Variants in MTCL3 observed in about 807,000 individuals in gnomAD.
MTCL3 encodes MTCL family member 3, also known as microtubule cross-linking factor 3.
chr6:127,503,505 C>T, the MTCL3 span, among the ~76,000 whole-genome samples: 1 of 152,134 alleles, frequency 6.6e-6, no homozygotes, highest in Non-Finnish European at 1.5e-5. Flanking sequence ...GTGACAGGAT[C>T]TGCAGTCTTC....
chr6:127,514,547 C>G, the MTCL3 span, among the ~76,000 whole-genome samples: 2 of 152,224 alleles, frequency 1.3e-5, no homozygotes, highest in African/African-American at 4.8e-5. Flanking sequence ...CAGAAGGGAG[C>G]CTTCTTCTCA....
the MTCL3 span, among the ~76,000 whole-genome samples, chr6:127,506,931 A>G: frequency 3.9e-5 from 6 of 152,148 alleles, no homozygotes; most frequent in Non-Finnish European, 7.3e-5. Context: ...AGTAAACAAC[A>G]CTTCAGTAAC....
At chr6:127,482,171 T>G in the MTCL3 span, among the ~76,000 whole-genome samples, 1 of 152,194 alleles carries the variant, frequency 6.6e-6, no homozygotes, top group Non-Finnish European at 1.5e-5. The surrounding 1 kb of genome is among the most constrained non-coding windows in gnomAD (Gnocchi z 4.1). Flanking sequence ...CTAATAAACT[T>G]GCTTTCACTT....
At chr6:127,473,047 C>A in the MTCL3 span, 6 of 1,042,840 alleles carry the variant, frequency 5.8e-6, no homozygotes, top group Non-Finnish European at 7.0e-6. Context: ...AAAATTAAAA[C>A]AATTCATACA....
At chr6:127,480,492 A>G in the MTCL3 span, among the ~76,000 whole-genome samples, 1 of 152,248 alleles carries the variant, frequency 6.6e-6, no homozygotes, top group South Asian at 2.1e-4. Flanking sequence ...AAGCTAAATG[A>G]ATAATAGAGA....
chr6:127,478,841 A>T, the MTCL3 span, among the ~76,000 whole-genome samples: 4 of 151,676 alleles, frequency 2.6e-5, no homozygotes, highest in East Asian at 3.9e-4. Context: ...ATAGGGTGAA[A>T]CCCCATCTCT....
chr6:127,512,477 A>G, the MTCL3 span, among the ~76,000 whole-genome samples: 1,160 of 152,330 alleles, frequency 7.6e-3, 18 homozygotes, highest in Admixed American at 0.011. Context: ...AATGGACCTT[A>G]GAGTCTTTTC....
the MTCL3 span, among the ~76,000 whole-genome samples, chr6:127,507,842 C>CA: frequency 0.02 from 1,603 of 82,032 alleles, 104 homozygotes; most frequent in Non-Finnish European, 0.022. Flanking sequence ...GACTATGTCT[C>CA]AAAAAAAAAA....
chr6:127,473,201 C>G, the MTCL3 span: 1 of 1,352,236 alleles, frequency 7.4e-7, no homozygotes, highest in Non-Finnish European at 9.5e-7. Flanking sequence ...AGAAATTATA[C>G]TTCTTTTACT....
chr6:127,514,762 C>T, the MTCL3 span: 138 of 1,435,340 alleles, frequency 9.6e-5, no homozygotes, highest in Non-Finnish European at 1.1e-4. Flanking sequence ...CTAAAGAGCC[C>T]TTGGCCAAAG....
the MTCL3 span, among the ~76,000 whole-genome samples, chr6:127,487,816 G>C: frequency 9.2e-5 from 14 of 152,194 alleles, no homozygotes; most frequent in African/African-American, 3.4e-4. Context: ...CACTGAGTTA[G>C]AGTCATGCTT....
At chr6:127,518,074 G>A in the MTCL3 span, among the ~76,000 whole-genome samples, 2 of 152,012 alleles carry the variant, frequency 1.3e-5, no homozygotes, top group Non-Finnish European at 2.9e-5. Flanking sequence ...TCTGTTTCTG[G>A]CATCTCCTTC....
chr6:127,488,835 T>G, the MTCL3 span, among the ~76,000 whole-genome samples: 2 of 152,158 alleles, frequency 1.3e-5, no homozygotes, highest in Admixed American at 1.3e-4. Context: ...CAGATTGAAT[T>G]TTTTTTAAGT....
the MTCL3 span, chr6:127,475,629 G>A: frequency 6.3e-7 from 1 of 1,598,724 alleles, no homozygotes; most frequent in Non-Finnish European, 8.5e-7. This position sits in a 1 kb window ranked among gnomAD's most constrained non-coding sequence, Gnocchi z 7.3. Context: ...CGGGCGCCGG[G>A]TAGAAGGAGC....
chr6:127,478,054 G>A, the MTCL3 span, among the ~76,000 whole-genome samples: 1 of 152,160 alleles, frequency 6.6e-6, no homozygotes, highest in East Asian at 1.9e-4. Flanking sequence ...AGAAGAGAAG[G>A]ACTACCAGAA....
chr6:127,484,359 G>GGAA, the MTCL3 span, among the ~76,000 whole-genome samples: 1 of 151,996 alleles, frequency 6.6e-6, no homozygotes, highest in Non-Finnish European at 1.5e-5. Context: ...GTTCTTTACA[G>GGAA]GAAGAAGTTC....
chr6:127,501,441 G>A, the MTCL3 span, among the ~76,000 whole-genome samples: 1 of 152,074 alleles, frequency 6.6e-6, no homozygotes, highest in Non-Finnish European at 1.5e-5. Context: ...TAACATATTA[G>A]TTGCTCATTA....
chr6:127,510,466 A>G, the MTCL3 span, among the ~76,000 whole-genome samples: 1 of 152,194 alleles, frequency 6.6e-6, no homozygotes, highest in African/African-American at 2.4e-5. Context: ...CTTTTATTTT[A>G]AGATGGGAGA....
chr6:127,509,701 G>T, the MTCL3 span, among the ~76,000 whole-genome samples: 1 of 152,062 alleles, frequency 6.6e-6, no homozygotes, highest in South Asian at 2.1e-4. Flanking sequence ...ACTCACCAAG[G>T]GCTTGAATAT....
Sources: gnomAD v4.1 joint callset for allele counts (sites outside exome capture counted in the v4.1 genomes callset) on GRCh38, gnomAD v4.1.1 for gene constraint, Gnocchi (gnomAD v3.1) non-coding constraint, MANE v1.5 for transcripts, NCBI Gene and HGNC (gene_info 2026-07-23, HGNC 2026-07-21) for gene names.